The following TRPM3 variants were observed in gnomAD, a reference collection of about 807,000 sequenced individuals.
TRPM3 encodes the protein transient receptor potential cation channel subfamily M member 3.
In TRPM3, 77 loss-of-function variants were observed where a neutral mutation model predicts 181.2. The ratio of observed to expected loss-of-function variants is 0.42; its 90% confidence interval spans 0.35 to 0.51. TRPM3 has a LOEUF of 0.51. Among genes scored for constraint, TRPM3 ranks in the 20% least tolerant of loss-of-function variants. The pLI is 0.01. For missense variants in TRPM3, 1,759 were observed against 2,196.7 expected, an observed-to-expected ratio of 0.80 and a Z score of 3.98; for synonymous variants, 745 against 796.4, an observed-to-expected ratio of 0.94 and a Z score of 1.09.
At chr9:70,928,179 G>A (rs2096740456) in intron 1 of TRPM3, among the ~76,000 whole-genome samples, 1 of 152,188 alleles carries the variant, frequency 6.6e-6, no homozygotes, top group African/African-American at 2.4e-5. Context: ...GGGTGACATT[G>A]GGCAGGACCT....
intron 6 of TRPM3, among the ~76,000 whole-genome samples, chr9:70,822,396 T>C (rs1036876368): frequency 6.6e-6 from 1 of 152,224 alleles, no homozygotes; most frequent in Non-Finnish European, 1.5e-5. Flanking sequence ...TTATCCTGAA[T>C]GCTCAATTCA....
intron 25 of TRPM3, among the ~76,000 whole-genome samples, chr9:70,545,891 G>C (rs781217076): frequency 6.6e-6 from 1 of 152,170 alleles, no homozygotes; most frequent in Non-Finnish European, 1.5e-5. Flanking sequence ...TCATTCCTAA[G>C]ACTGGTAGCA....
intron 9 of TRPM3, among the ~76,000 whole-genome samples, chr9:70,642,846 G>C (rs1229034965): frequency 2.0e-5 from 3 of 152,196 alleles, no homozygotes; most frequent in Non-Finnish European, 2.9e-5. Flanking sequence ...TGCAGACCTT[G>C]TGATTCAGTA....
chr9:71,211,038 G>T (rs1380169736), intron 1 of TRPM3, among the ~76,000 whole-genome samples: 2 of 152,156 alleles, frequency 1.3e-5, no homozygotes, highest in Non-Finnish European at 2.9e-5. Flanking sequence ...ATACAGTCAC[G>T]TTGAGGGTTA....
At chr9:71,362,082 C>A (rs952770591) in intron 1 of TRPM3, among the ~76,000 whole-genome samples, 6 of 152,116 alleles carry the variant, frequency 3.9e-5, no homozygotes. Context: ...GCTGCTAAAT[C>A]CCAGCTAATA....
intron 22 of TRPM3, among the ~76,000 whole-genome samples, chr9:70,583,625 T>C (rs2056488043): frequency 1.3e-5 from 2 of 152,234 alleles, no homozygotes; most frequent in Non-Finnish European, 2.9e-5. Flanking sequence ...ATGATGCTTC[T>C]CTAGCATCAC....
intron 21 of TRPM3, among the ~76,000 whole-genome samples, chr9:70,596,016 C>G (rs1314966862): frequency 2.0e-5 from 3 of 152,148 alleles, no homozygotes; most frequent in Non-Finnish European, 4.4e-5. Flanking sequence ...AGCATAATAA[C>G]TATACTCACC....
At chr9:70,837,242 T>G (rs1285965206) in intron 5 of TRPM3, among the ~76,000 whole-genome samples, 2 of 152,230 alleles carry the variant, frequency 1.3e-5, no homozygotes, top group Non-Finnish European at 1.5e-5. Context: ...ATGTACTGAC[T>G]TGGTAACTAC....
chr9:71,095,345 A>C (rs534558257), intron 1 of TRPM3, among the ~76,000 whole-genome samples: 2 of 150,770 alleles, frequency 1.3e-5, no homozygotes, highest in Admixed American at 1.3e-4. Context: ...TTCTCTCATG[A>C]AAGAACATGA....
chr9:70,942,843 G>A (rs539943864), intron 1 of TRPM3, among the ~76,000 whole-genome samples: 2 of 152,204 alleles, frequency 1.3e-5, no homozygotes, highest in South Asian at 2.1e-4. Flanking sequence ...CATTAAAGGA[G>A]GACAAGGCCT....
chr9:70,823,221 A>C (rs1051132286), intron 6 of TRPM3, among the ~76,000 whole-genome samples: 17 of 152,078 alleles, frequency 1.1e-4, no homozygotes, highest in African/African-American at 3.9e-4. Context: ...CAAACCAGTT[A>C]TCTCTCACCT....
At chr9:71,380,067 T>C (rs2092762699) in intron 1 of TRPM3, among the ~76,000 whole-genome samples, 1 of 152,054 alleles carries the variant, frequency 6.6e-6, no homozygotes, top group Non-Finnish European at 1.5e-5. Context: ...AGTGTGTATG[T>C]ATAGTTTCAG....
At chr9:71,247,391 G>T (rs907739295) in intron 1 of TRPM3, among the ~76,000 whole-genome samples, 3 of 145,824 alleles carry the variant, frequency 2.1e-5, no homozygotes, top group South Asian at 2.2e-4. Flanking sequence ...AATAATAATA[G>T]TTGAGAGGGT....
chr9:70,984,008 T>A (rs2097394874), intron 1 of TRPM3, among the ~76,000 whole-genome samples: 1 of 152,148 alleles, frequency 6.6e-6, no homozygotes. Flanking sequence ...ATATTCAGTT[T>A]CTCAGCTCCC....
chr9:70,799,033 T>C (rs17055839), intron 6 of TRPM3, among the ~76,000 whole-genome samples: 14,529 of 152,276 alleles, frequency 0.095, 729 homozygotes, highest in African/African-American at 0.11. Flanking sequence ...AATTGAAGCC[T>C]CATTGTTTCT....
intron 1 of TRPM3, among the ~76,000 whole-genome samples, chr9:71,131,191 T>A (rs2074351741): frequency 6.6e-6 from 1 of 152,202 alleles, no homozygotes; most frequent in African/African-American, 2.4e-5. Flanking sequence ...TTGTTTCCTG[T>A]CACGGGACAT....
chr9:70,915,694 G>T (rs1589750394), intron 1 of TRPM3, among the ~76,000 whole-genome samples: 1 of 149,520 alleles, frequency 6.7e-6, no homozygotes, highest in East Asian at 2.0e-4. Flanking sequence ...CATGTCAGAT[G>T]AGAGAAAAGA....
chr9:71,109,830 C>G (rs539024395), intron 1 of TRPM3, among the ~76,000 whole-genome samples: 1 of 152,130 alleles, frequency 6.6e-6, no homozygotes, highest in Non-Finnish European at 1.5e-5. Context: ...AATCTTTTTA[C>G]CTATAAAGAG....
At chr9:70,757,777 C>T (rs1230390108) in intron 8 of TRPM3, among the ~76,000 whole-genome samples, 1 of 152,174 alleles carries the variant, frequency 6.6e-6, no homozygotes, top group Non-Finnish European at 1.5e-5. Context: ...TAAAATTTAA[C>T]ACCCCTTCAT....
Sources: gnomAD v4.1 joint callset for allele counts (sites outside exome capture counted in the v4.1 genomes callset) on GRCh38, gnomAD v4.1.1 for gene constraint, MANE v1.5 for transcripts, NCBI Gene and HGNC (gene_info 2026-07-23, HGNC 2026-07-21) for gene names.